SMIM14: variants seen among roughly 807,000 people sequenced by gnomAD.
SMIM14 encodes chromosome 4 open reading frame 34.
In SMIM14, 5 loss-of-function variants were observed where a neutral mutation model predicts 12.6. That is an observed-to-expected ratio of 0.40 (90% CI 0.21 to 0.83). SMIM14 has a LOEUF of 0.83. SMIM14 is among the 40% of genes least tolerant of loss of function. SMIM14 has a pLI of 0.37. For synonymous variants in SMIM14, 30 were observed against 40.1 expected (o/e 0.75, Z 0.95); for missense variants, 86 against 119.1 (o/e 0.72, Z 1.29).
chr4:39,614,736 A>G (rs1224518409), intron 1 of SMIM14, among the ~76,000 whole-genome samples: 1 of 152,208 alleles, frequency 6.6e-6, no homozygotes, highest in African/African-American at 2.4e-5. Context: ...ATTAAGCAAC[A>G]TGGTTTATAA....
intron 4 of SMIM14, among the ~76,000 whole-genome samples, chr4:39,556,153 A>G (rs376215334): frequency 8.1e-4 from 120 of 147,434 alleles, no homozygotes; most frequent in African/African-American, 3.1e-3. Context: ...GCACAGCAAG[A>G]CCCTGTCTGA....
intron 2 of SMIM14, among the ~76,000 whole-genome samples, chr4:39,592,030 A>T (rs1578339937): frequency 1.2e-5 from 1 of 83,500 alleles, no homozygotes; most frequent in African/African-American, 5.3e-5. Context: ...CCATCTCTAC[A>T]AAAAAAAATA....
At chr4:39,593,761 GACAA>G (rs1451077691) in intron 2 of SMIM14, 3 of 152,004 alleles carry the variant, frequency 2.0e-5, no homozygotes, top group African/African-American at 4.8e-5. Flanking sequence ...ACCAATAACA[GACAA>G]ACAGAGAGCC....
chr4:39,572,896 G>T (rs1712976018), intron 2 of SMIM14, among the ~76,000 whole-genome samples: 1 of 151,706 alleles, frequency 6.6e-6, no homozygotes, highest in African/African-American at 2.4e-5. Context: ...GAGTGCAGGG[G>T]TGCAATCCTA....
intron 2 of SMIM14, among the ~76,000 whole-genome samples, chr4:39,590,022 C>T (rs947287976): frequency 7.0e-5 from 5 of 71,326 alleles, no homozygotes; most frequent in Non-Finnish European, 1.0e-4. Flanking sequence ...GACTCTGTTT[C>T]AAAAAAAAAA....
chr4:39,638,239 A>G (rs1716177970), intron 1 of SMIM14: 1 of 154,700 alleles, frequency 6.5e-6, no homozygotes, highest in African/African-American at 2.4e-5. Context: ...ACACAATAGG[A>G]GCTAAAAAGC....
rs1285355925 is a variant in SMIM14, at chr4:39,548,275, A to G, written c.*3851T>C. Reference sequence around the variant, plus strand: ...CACATGGAAAGCAAAACAAAACAAAACAAAACAAACAAACAAATGCAACAA... The same window carrying G: ...CACATGGAAAGCAAAACAAAACAAAGCAAAACAAACAAACAAATGCAACAA... On this transcript the variant is annotated 3_prime_UTR_variant, in exon 5 of 5. Coordinates refer to ENST00000295958, the MANE Select transcript of SMIM14 (RefSeq NM_174921.3). The G allele has an allele frequency of 6.6e-6, 1 of 152,084 alleles. No individual in the cohort carries two copies. The highest frequency in any genetic ancestry group is 1.5e-5 in the Non-Finnish European group (1 of 68,044). 9.4% of individuals were successfully genotyped at this position (152,084 alleles called of 1,614,324 possible). A position where few individuals can be genotyped will look rare whatever the true frequency, so the allele number is the denominator to read the frequency against.
At position 39,633,604 on chromosome 4, in the gene SMIM14, C is replaced by CA. The variant is rs200362940; in HGVS notation, c.-36+5134dup. ...TGAGCCTGTCTCTACAGAAAACAAA[C>CA]AAAAAAAAATTAGTGTGGTAGTATG... On this transcript the variant is annotated intron_variant, in intron 1 of 4. Coordinates refer to ENST00000295958, the MANE Select transcript of SMIM14 (RefSeq NM_174921.3). 2.8e-4 allele frequency among the ~76,000 whole-genome samples: 43 copies of CA among 151,010 alleles called. 1 individual carries two copies. In the East Asian group the frequency reaches 5.6e-3, roughly 20 times the overall value.
chr4:39,580,511 G>A (rs765854271), intron 2 of SMIM14, among the ~76,000 whole-genome samples: 6 of 150,482 alleles, frequency 4.0e-5, no homozygotes, highest in Non-Finnish European at 8.9e-5. Context: ...TTCAAATCTT[G>A]TCTCTGTTTC....
chr4:39,637,566 G>A (rs1402560875), intron 1 of SMIM14, among the ~76,000 whole-genome samples: 1 of 151,906 alleles, frequency 6.6e-6, no homozygotes, highest in African/African-American at 2.4e-5. Flanking sequence ...ATGAGTTCTC[G>A]GGGGTGAAGC....
At chr4:39,635,098 C>T (rs1371265816) in intron 1 of SMIM14, among the ~76,000 whole-genome samples, 1 of 152,208 alleles carries the variant, frequency 6.6e-6, no homozygotes, top group Admixed American at 6.5e-5. Context: ...TCTGACCTAA[C>T]ACCTGAATAA....
intron 3 of SMIM14, among the ~76,000 whole-genome samples, chr4:39,569,953 T>C (rs1712800050): frequency 6.6e-6 from 1 of 152,082 alleles, no homozygotes; most frequent in South Asian, 2.1e-4. Flanking sequence ...CTCCCAAATA[T>C]TTACTTTCCC....
intron 3 of SMIM14, among the ~76,000 whole-genome samples, chr4:39,568,316 T>G (rs1414836031): frequency 6.6e-6 from 1 of 152,014 alleles, no homozygotes; most frequent in East Asian, 1.9e-4. Flanking sequence ...TATATATTTC[T>G]CCACCATTTA....
intron 3 of SMIM14, among the ~76,000 whole-genome samples, chr4:39,563,322 A>G (rs1712410207): frequency 6.6e-6 from 1 of 152,144 alleles, no homozygotes; most frequent in Admixed American, 6.5e-5. Flanking sequence ...TCAGCCTCCC[A>G]AAGTGATGGG....
chr4:39,577,888 T>G (rs58836363), intron 2 of SMIM14, among the ~76,000 whole-genome samples: 1 of 152,298 alleles, frequency 6.6e-6, no homozygotes, highest in East Asian at 1.9e-4. Flanking sequence ...TGGTGTTGGA[T>G]CCTGCCCTTC....
intron 2 of SMIM14, among the ~76,000 whole-genome samples, chr4:39,575,018 TCAAAACAAAAACAAAA>T (rs1237171812): frequency 1.3e-5 from 2 of 150,244 alleles, no homozygotes; most frequent in South Asian, 2.1e-4. Context: ...AGACCTTGTT[TCAAAACAAAAACAAAA>T]CAAAACAAAA....
intron 2 of SMIM14, among the ~76,000 whole-genome samples, chr4:39,601,285 T>A (rs996920488): frequency 6.6e-6 from 1 of 152,170 alleles, no homozygotes; most frequent in African/African-American, 2.4e-5. Flanking sequence ...ATAAGAACTT[T>A]AAATTCTTAA....
rs566261187 is a variant in SMIM14 at position 39,609,669 on chromosome 4, G to A, written c.-35-4489C>T. On this transcript the variant is annotated intron_variant, in intron 1 of 4. Transcript: ENST00000295958. ...GAGTCATGCCACAAAGGGTCTTTCC[G>A]GCTATGTTCATGATTAGGTCGTTAC... Among the ~76,000 whole-genome samples the A allele has an allele frequency of 3.9e-5, 6 of 152,258 alleles. No homozygotes were observed. In the South Asian group the frequency reaches 6.2e-4, roughly 16 times the overall value.
intron 2 of SMIM14, chr4:39,583,936 T>G (rs755090483): frequency 2.0e-5 from 3 of 152,160 alleles, no homozygotes; most frequent in Non-Finnish European, 4.4e-5. Flanking sequence ...CTTACACACC[T>G]GATTAATCTC....
Sources: allele counts gnomAD v4.1 joint callset (sites outside exome capture counted in the v4.1 genomes callset), GRCh38; gene constraint gnomAD v4.1.1; transcripts MANE v1.5; gene names NCBI Gene and HGNC (gene_info 2026-07-23, HGNC 2026-07-21).